The following RBFOX1 variants were observed in gnomAD, a reference collection of about 807,000 sequenced individuals.
RBFOX1 encodes the protein RNA binding protein fox-1 homolog 1.
Under a neutral mutation model 57.7 loss-of-function variants are expected in RBFOX1, and 8 were observed. The observed-to-expected ratio is 0.14, with a 90% CI of 0.08 to 0.25. RBFOX1 has a LOEUF of 0.25. Ranked by LOEUF, RBFOX1 falls within the 10% of genes least tolerant of loss-of-function variation. The pLI is 1.00. For synonymous variants in RBFOX1, 326 were observed against 222.4 expected (o/e 1.47, Z -4.15); for missense variants, 611 against 548.5 (o/e 1.11, Z -1.14).
intron 4 of RBFOX1, among the ~76,000 whole-genome samples, chr16:5,910,689 C>T (rs764804776): frequency 1.3e-5 from 2 of 152,132 alleles, no homozygotes; most frequent in Non-Finnish European, 2.9e-5. Flanking sequence ...CCATCAATGC[C>T]CCACTTCTAT....
chr16:5,693,248 G>C (rs1405605813), intron 3 of RBFOX1, among the ~76,000 whole-genome samples: 1 of 152,022 alleles, frequency 6.6e-6, no homozygotes, highest in Non-Finnish European at 1.5e-5. Flanking sequence ...ATAAGTAGGA[G>C]ATGAAAACTG....
chr16:7,702,711 T>C (rs1317583418), intron 14 of RBFOX1, among the ~76,000 whole-genome samples: 1 of 152,168 alleles, frequency 6.6e-6, no homozygotes, highest in African/African-American at 2.4e-5. Flanking sequence ...AAGCCGAGCA[T>C]TTTGTCCAAA....
chr16:6,657,491 G>C (rs2098667495), intron 3 of RBFOX1, among the ~76,000 whole-genome samples: 1 of 152,056 alleles, frequency 6.6e-6, no homozygotes, highest in African/African-American at 2.4e-5. Context: ...CACACAGGGA[G>C]CCATTGGCTG....
At chr16:7,191,178 C>G (rs569632061) in intron 4 of RBFOX1, among the ~76,000 whole-genome samples, 2 of 152,242 alleles carry the variant, frequency 1.3e-5, no homozygotes, top group South Asian at 2.1e-4. Context: ...AAGGAAACCC[C>G]TTTCAACCCC....
chr16:6,983,875 C>G (rs2089600432), intron 3 of RBFOX1: 2 of 152,370 alleles, frequency 1.3e-5, no homozygotes, highest in South Asian at 2.1e-4. Context: ...AGAGAGTGCT[C>G]TTGGACAAGG....
intron 4 of RBFOX1, among the ~76,000 whole-genome samples, chr16:7,358,661 C>T (rs1445065970): frequency 6.6e-6 from 1 of 152,126 alleles, no homozygotes; most frequent in African/African-American, 2.4e-5. Context: ...CTCAGGTGAT[C>T]CACCCACCTC....
intron 1 of RBFOX1, among the ~76,000 whole-genome samples, chr16:6,152,806 A>T (rs76103122): frequency 0.028 from 4,213 of 152,172 alleles, 208 homozygotes; most frequent in African/African-American, 0.097. Flanking sequence ...ACATCTGTCT[A>T]AAAAAATGCC....
chr16:7,402,940 A>G (rs1188033418), intron 4 of RBFOX1, among the ~76,000 whole-genome samples: 4 of 152,180 alleles, frequency 2.6e-5, no homozygotes, highest in African/African-American at 9.7e-5. Context: ...AGGCAATTCT[A>G]GAAACACTGC....
intron 2 of RBFOX1, among the ~76,000 whole-genome samples, chr16:6,403,169 G>A (rs2093144129): frequency 6.6e-6 from 1 of 151,738 alleles, no homozygotes; most frequent in Non-Finnish European, 1.5e-5. Flanking sequence ...CTGGGAGATT[G>A]TTAGAACTAC....
intron 4 of RBFOX1, among the ~76,000 whole-genome samples, chr16:7,279,038 A>G (rs111797373): frequency 4.6e-5 from 7 of 151,936 alleles, no homozygotes; most frequent in African/African-American, 1.7e-4. Flanking sequence ...ACGGATGGAT[A>G]AAAAGTCCTA....
intron 2 of RBFOX1, among the ~76,000 whole-genome samples, chr16:6,407,983 A>C (rs769170062): frequency 2.6e-5 from 4 of 152,074 alleles, no homozygotes; most frequent in Non-Finnish European, 5.9e-5. Flanking sequence ...ATGAGGGTAG[A>C]CCTCTCAGTA....
chr16:7,086,175 G>A (rs1250333663), intron 4 of RBFOX1, among the ~76,000 whole-genome samples: 1 of 152,132 alleles, frequency 6.6e-6, no homozygotes, highest in Admixed American at 6.5e-5. Context: ...CCCGTCTCAT[G>A]CTGCCAATGA....
intron 2 of RBFOX1, among the ~76,000 whole-genome samples, chr16:6,331,334 C>T (rs566045808): frequency 6.6e-6 from 1 of 152,060 alleles, no homozygotes; most frequent in African/African-American, 2.4e-5. Flanking sequence ...GTAGTCCCAG[C>T]TACTGGGGAG....
chr16:6,297,647 C>T (rs564886354), intron 1 of RBFOX1, among the ~76,000 whole-genome samples: 29 of 152,200 alleles, frequency 1.9e-4, no homozygotes, highest in Middle Eastern at 6.8e-3. Flanking sequence ...AACAGACATT[C>T]CTGTTGCTTT....
chr16:7,536,264 T>C (rs1052395972), intron 5 of RBFOX1, among the ~76,000 whole-genome samples: 2 of 152,182 alleles, frequency 1.3e-5, no homozygotes, highest in Admixed American at 6.5e-5. Context: ...AAAGCGGAGA[T>C]GCATTCAAGA....
chr16:6,678,450 T>C (rs574034209), intron 3 of RBFOX1, among the ~76,000 whole-genome samples: 1 of 151,892 alleles, frequency 6.6e-6, no homozygotes, highest in Non-Finnish European at 1.5e-5. Flanking sequence ...ATATAATATG[T>C]TTAGGTGTGT....
chr16:7,105,821 T>C (rs1004396436), intron 4 of RBFOX1, among the ~76,000 whole-genome samples: 2 of 152,114 alleles, frequency 1.3e-5, no homozygotes, highest in African/African-American at 4.8e-5. Context: ...AGGTTCTTTA[T>C]CCACTCATTT....
At chr16:7,073,947 T>C (rs1243456728) in intron 4 of RBFOX1, among the ~76,000 whole-genome samples, 1 of 152,208 alleles carries the variant, frequency 6.6e-6, no homozygotes, top group Non-Finnish European at 1.5e-5. Context: ...AGCCACAGTT[T>C]ATGAGACAGC....
chr16:7,632,519 T>C (rs967934575), intron 11 of RBFOX1, among the ~76,000 whole-genome samples: 1 of 152,232 alleles, frequency 6.6e-6, no homozygotes, highest in Non-Finnish European at 1.5e-5. Flanking sequence ...CAGTGTGTAA[T>C]AGATTTGTCT....
Sources: gnomAD v4.1 joint callset for allele counts (sites outside exome capture counted in the v4.1 genomes callset) on GRCh38, gnomAD v4.1.1 for gene constraint, MANE v1.5 for transcripts, NCBI Gene and HGNC (gene_info 2026-07-23, HGNC 2026-07-21) for gene names.